The following MYH11 variants were observed in gnomAD, a reference collection of about 807,000 sequenced individuals.
MYH11 encodes the protein myosin-11.
A neutral mutation model predicts 246.6 loss-of-function variants in MYH11; 80 were observed. That is an observed-to-expected ratio of 0.32 (90% CI 0.27 to 0.39). MYH11 has a LOEUF of 0.39. MYH11 is among the 10% of genes least tolerant of loss of function. The pLI is 1.00. For missense variants in MYH11, 2,158 were observed against 2,546.8 expected, an observed-to-expected ratio of 0.85 and a Z score of 3.29; for synonymous variants, 1,071 against 1,015.5, an observed-to-expected ratio of 1.05 and a Z score of -1.04.
chr16:15,817,209 C>T lies in MYH11; in HGVS notation c.502+6046G>A, dbSNP rs114480854. Among the ~76,000 whole-genome samples, 544 of 152,198 alleles carry T rather than the reference C, an allele frequency of 3.6e-3. 1 individual carries two copies. Among genetic ancestry groups the T allele is most frequent in the African/African-American group, 0.012 (502 of 41,532 alleles). ...GTAACATCTTTCCAAAAACAAACCA[C>T]GGCCGGGCGCAGTGGCTCATGCCTG... is the stretch of plus-strand genomic sequence containing the variant. On this transcript the variant is annotated intron_variant, in intron 3 of 40. Transcript: ENST00000300036.
rs1024184181 is a variant in MYH11, at chr16:15,837,817, G to A, written c.345+91C>T. 6 of 1,213,312 alleles carry A rather than the reference G, an allele frequency of 4.9e-6. No homozygotes were observed. The African/African-American group carries it at 9.0e-5, about 18-fold the overall frequency. The allele number at this position is 1,213,312 out of a possible 1,614,324, so 75.2% of individuals were successfully genotyped here. A position where few individuals can be genotyped will look rare whatever the true frequency, so the allele number is the denominator to read the frequency against. On this transcript the variant is annotated intron_variant, in intron 2 of 40. Transcript: ENST00000300036. ...CCCAAAGTGCTGGGAGTACAGGCATGAGCCACTGTGCCCAGCCCTCCCAAC... is the reference window on the plus strand; with the variant it reads ...CCCAAAGTGCTGGGAGTACAGGCATAAGCCACTGTGCCCAGCCCTCCCAAC...
rs2041734890 is a variant in MYH11 at position 15,756,836 on chromosome 16, C to CACA, written c.1576-323_1576-322insTGT. On this transcript the variant is annotated intron_variant, in intron 13 of 40. Transcript: ENST00000300036. ...TTTTTGAGACAGAGTTTTGCCTTGT[C>CACA]GCCCAGGCAGACGGTGCAGTGGCGC... is the stretch of plus-strand genomic sequence containing the variant. Among the ~76,000 whole-genome samples the CACA allele has an allele frequency of 2.2e-5, 3 of 133,448 alleles. No homozygotes were observed. In the South Asian group the frequency reaches 6.8e-4, roughly 30 times the overall value. The allele number at this position is 133,448 out of a possible 152,430, so 87.5% of individuals were successfully genotyped here. A position where few individuals can be genotyped will look rare whatever the true frequency, so the allele number is the denominator to read the frequency against.
intron 1 of MYH11, among the ~76,000 whole-genome samples, chr16:15,855,201 G>A (rs550894885): frequency 1.6e-4 from 24 of 152,256 alleles, no homozygotes; most frequent in South Asian, 4.2e-4. Flanking sequence ...GCGGCTTCTC[G>A]GAAAAGACCC....
intron 10 of MYH11, 36 bp downstream of exon 10, chr16:15,763,760 C>CCCCCCA: frequency 3.4e-6 from 4 of 1,192,060 alleles, no homozygotes; most frequent in Non-Finnish European, 5.0e-6. Flanking sequence ...CCCCCAACCC[C>CCCCCCA]AAAGTCATTG....
At chr16:15,709,187 T>A (rs1275010846) in intron 40 of MYH11, among the ~76,000 whole-genome samples, 1 of 152,084 alleles carries the variant, frequency 6.6e-6, no homozygotes, top group Non-Finnish European at 1.5e-5. Flanking sequence ...ATGATCTTCC[T>A]GCCTTGGCCT....
At chr16:15,737,379 A>C in intron 25 of MYH11, 70 bp downstream of exon 25, 2 of 1,593,698 alleles carry the variant, frequency 1.3e-6, no homozygotes, top group Non-Finnish European at 1.7e-6. Context: ...AGCCACTGCG[A>C]ATGAGCGAAT....
chr16:15,823,651 G>A (rs184621563), intron 2 of MYH11, among the ~76,000 whole-genome samples: 1 of 152,190 alleles, frequency 6.6e-6, no homozygotes, highest in East Asian at 1.9e-4. Context: ...TTGAGATGGG[G>A]TCTCACTCTG....
chr16:15,761,202 C>T (rs1203086903), intron 10 of MYH11, among the ~76,000 whole-genome samples: 2 of 151,922 alleles, frequency 1.3e-5, no homozygotes, highest in Non-Finnish European at 1.5e-5. Flanking sequence ...CCTCCGCCTT[C>T]CGGGTTCAAG....
intron 2 of MYH11, among the ~76,000 whole-genome samples, chr16:15,833,142 C>CA (rs1356182902): frequency 1.3e-5 from 2 of 150,370 alleles, no homozygotes; most frequent in South Asian, 4.2e-4. Flanking sequence ...ACCAAAAACA[C>CA]AAAAAAATTA....
chr16:15,748,800 G>A (rs1422583127), intron 16 of MYH11, among the ~76,000 whole-genome samples: 2 of 152,016 alleles, frequency 1.3e-5, no homozygotes, highest in Non-Finnish European at 2.9e-5. Flanking sequence ...AAATGTTTTT[G>A]TAGATATAGG....
intron 1 of MYH11, among the ~76,000 whole-genome samples, chr16:15,847,143 G>A (rs1307423539): frequency 6.6e-6 from 1 of 151,754 alleles, no homozygotes; most frequent in Non-Finnish European, 1.5e-5. Flanking sequence ...TGATATTCTT[G>A]TGCAATAATG....
intron 4 of MYH11, among the ~76,000 whole-genome samples, chr16:15,792,927 G>A (rs562365528): frequency 6.6e-6 from 1 of 152,246 alleles, no homozygotes; most frequent in East Asian, 1.9e-4. Flanking sequence ...TAGAGAGGGG[G>A]TTTGGCCATG....
At chr16:15,853,300 C>T (rs1239433372) in intron 1 of MYH11, among the ~76,000 whole-genome samples, 1 of 152,108 alleles carries the variant, frequency 6.6e-6, no homozygotes, top group Admixed American at 6.6e-5. Flanking sequence ...CAGATGCATG[C>T]CACCATGCCC....
intron 8 of MYH11, among the ~76,000 whole-genome samples, chr16:15,772,350 T>C (rs995790770): frequency 5.9e-5 from 9 of 152,122 alleles, no homozygotes; most frequent in Middle Eastern, 6.8e-3. Context: ...CCTTGGCCTC[T>C]CAAAGTTCTG....
chr16:15,790,375 G>A (rs537197850), intron 4 of MYH11, among the ~76,000 whole-genome samples: 9 of 151,492 alleles, frequency 5.9e-5, no homozygotes, highest in Non-Finnish European at 8.8e-5. Flanking sequence ...TGCCCTATCC[G>A]TGGCTATGGT....
intron 27 of MYH11, among the ~76,000 whole-genome samples, chr16:15,728,757 G>A (rs538382720): frequency 9.9e-5 from 15 of 152,038 alleles, no homozygotes; most frequent in South Asian, 8.3e-4. Flanking sequence ...AAAATTAGCC[G>A]GGCATGGTGG....
Position 15,724,765 on chromosome 16 carries a change from T to C in MYH11, c.3998A>G (p.Asn1333Ser), listed in dbSNP as rs776574034. 2 of 1,614,136 alleles carry C rather than the reference T, an allele frequency of 1.2e-6. No homozygotes were observed. Among genetic ancestry groups the C allele is most frequent in the South Asian group, 1.1e-5 (1 of 91,084 alleles). ...LLQEETRQKL[N>S]VSTKLRQLEE... ...CAGCTGGCGCAGCTTCGTAGACACGTTGAGCTTCTGCCGGGTTTCTTCTTG... is the reference window on the plus strand; with the variant it reads ...CAGCTGGCGCAGCTTCGTAGACACGCTGAGCTTCTGCCGGGTTTCTTCTTG... The change falls in exon 30 of 41, where the codon AAC becomes AGC. Residue 1333 changes from asparagine to serine, a missense_variant. By Grantham distance (46) the Asn-to-Ser change is conservative. Transcript: ENST00000300036.
intron 1 of MYH11, among the ~76,000 whole-genome samples, chr16:15,854,397 G>T (rs1390542022): frequency 2.0e-5 from 3 of 152,162 alleles, no homozygotes; most frequent in Admixed American, 6.5e-5. Flanking sequence ...TGAAACTCTG[G>T]AGTTAGAAAG....
At chr16:15,719,491 C>T (rs531846632) in intron 35 of MYH11, 94 bp downstream of exon 35, 53 of 1,589,272 alleles carry the variant, frequency 3.3e-5, no homozygotes, top group East Asian at 1.3e-4. Flanking sequence ...CAGAGGAGGA[C>T]GAAATGAAAT....
Sources: allele counts gnomAD v4.1 joint callset (sites outside exome capture counted in the v4.1 genomes callset), GRCh38; gene constraint gnomAD v4.1.1; transcripts MANE v1.5; gene names NCBI Gene and HGNC (gene_info 2026-07-23, HGNC 2026-07-21).